DDIT4L: variants seen among roughly 807,000 people sequenced by gnomAD.
The protein encoded by DDIT4L is DNA damage inducible transcript 4 like, also known as DNA damage-inducible transcript 4-like protein.
DDIT4L carries 13 observed loss-of-function variants against 15.9 expected under a neutral mutation model. The observed-to-expected ratio is 0.82, with a 90% CI of 0.53 to 1.30. The LOEUF is 1.30. Among genes scored for constraint, DDIT4L ranks in the 50% most tolerant of loss-of-function variants. The probability of loss-of-function intolerance (pLI) is 0.00; values close to 1 mark genes in which losing one functional copy is unlikely to be tolerated. For missense variants in DDIT4L, 235 were observed against 224.8 expected (o/e 1.05, Z -0.29); for synonymous variants, 82 against 85.4 (o/e 0.96, Z 0.22).
chr4:100,187,608 TG>T lies in DDIT4L; in HGVS notation c.*68del, dbSNP rs1723440848. 1 of 1,505,252 alleles carries T rather than the reference TG, an allele frequency of 6.6e-7. No individual in the cohort carries two copies. Among genetic ancestry groups the T allele is most frequent in the Non-Finnish European group, 8.8e-7 (1 of 1,133,904 alleles). 93.2% of individuals were successfully genotyped at this position (1,505,252 alleles called of 1,614,324 possible). ...TAGGGCAGGTGGGGCAAACTACAAA[TG>T]ACTTTAGCTGACTAGCTGAATAGTT... On this transcript the variant is annotated 3_prime_UTR_variant, in exon 3 of 3. Coordinates refer to ENST00000273990, the MANE Select transcript of DDIT4L (RefSeq NM_145244.4).
chr4:100,186,042 A>G lies in DDIT4L; in HGVS notation c.*1635T>C, dbSNP rs962954669. 7 of 152,240 alleles carry G rather than the reference A, an allele frequency of 4.6e-5. No individual in the cohort carries two copies. Among genetic ancestry groups the G allele is most frequent in the African/African-American group, 1.4e-4 (6 of 41,458 alleles). The allele number at this position is 152,240 out of a possible 1,614,324, so 9.4% of individuals were successfully genotyped here. A position where few individuals can be genotyped will look rare whatever the true frequency, so the allele number is the denominator to read the frequency against. On this transcript the variant is annotated 3_prime_UTR_variant, in exon 3 of 3. Coordinates refer to ENST00000273990, the MANE Select transcript of DDIT4L (RefSeq NM_145244.4). ...GACAACAGTTCTACATCCATGCCCA[A>G]GAAGCCTTGCCCAGTCAGTGGTGAC...
Position 100,188,102 on chromosome 4 carries a change from T to C in DDIT4L, c.157A>G (p.Thr53Ala). The change falls in exon 3 of 3, where the codon ACT (threonine) becomes GCT (alanine). Residue 53 changes from threonine (T) to alanine (A), a missense_variant. By Grantham distance (58) the Thr-to-Ala change is moderately conservative. Transcript: ENST00000273990. Reference protein sequence around the residue: ...NLNEVIFEESTCQNLVKMLEN... With the variant: ...NLNEVIFEESACQNLVKMLEN... ...AGCATTTTAACCAAATTCTGGCAAG[T>C]TGATTCCTCAAATATTACCTCGTTG... is the stretch of plus-strand genomic sequence containing the variant. 1 of 1,614,010 alleles carries C rather than the reference T, an allele frequency of 6.2e-7. No homozygotes were observed.
chr4:100,189,795 A>C (rs1006352216), intron 2 of DDIT4L, 98 bp downstream of exon 2: 1 of 1,101,682 alleles, frequency 9.1e-7, no homozygotes, highest in Non-Finnish European at 1.3e-6. Context: ...GGCACCTCCT[A>C]CATAGAGGTA....
At position 100,186,763 on chromosome 4, in the gene DDIT4L, G is replaced by A. The variant is rs1033846950; in HGVS notation, c.*914C>T. Reference sequence around the variant, plus strand: ...AGAGATGAGATAACACTGCCATGGTGAAATGGTTCATCTGAGATTAAGCAC... The same window carrying A: ...AGAGATGAGATAACACTGCCATGGTAAAATGGTTCATCTGAGATTAAGCAC... On this transcript the variant is annotated 3_prime_UTR_variant, in exon 3 of 3. Transcript: ENST00000273990. The A allele has an allele frequency of 1.3e-5, 2 of 152,214 alleles. No individual in the cohort carries two copies. The highest frequency in any genetic ancestry group is 2.9e-5 in the Non-Finnish European group (2 of 68,046). 9.4% of individuals were successfully genotyped at this position (152,214 alleles called of 1,614,324 possible).
chr4:100,188,760 A>T (rs1269916892), intron 2 of DDIT4L, among the ~76,000 whole-genome samples: 1 of 152,224 alleles, frequency 6.6e-6, no homozygotes, highest in African/African-American at 2.4e-5. Context: ...TCTTTACTGG[A>T]GTGGCCTGTA....
rs1723450469 is a variant in DDIT4L at position 100,187,991 on chromosome 4, G to A, written c.268C>T (p.Gln90Ter). 1 of 1,614,030 alleles carries A rather than the reference G, an allele frequency of 6.2e-7. No individual in the cohort carries two copies. Among genetic ancestry groups the A allele is most frequent in the Non-Finnish European group, 8.5e-7 (1 of 1,180,042 alleles). Residue 90 changes from glutamine to a stop codon, truncating the protein, a stop_gained, in exon 3 of 3, where the codon CAA (glutamine) becomes TAA (stop). Coordinates refer to ENST00000273990, the MANE Select transcript of DDIT4L (RefSeq NM_145244.4). LOFTEE classifies it high-confidence loss of function. The stretch of plus-strand genomic sequence containing the variant: ...GTTGAGGAAAGCCGCAGGACATCTT[G>A]AGCAATTCTCTGGGTCAGTTTCTCA... ...VPEKLTQRIA[Q>*]DVLRLSSTEP...
rs569937597 is a variant in DDIT4L, at chr4:100,188,101, G to A, written c.158C>T (p.Thr53Ile). Residue 53 changes from threonine (T) to isoleucine (I), a missense_variant, in exon 3 of 3, where the codon ACT becomes ATT. Thr to Ile is a moderately conservative substitution (Grantham distance 89, BLOSUM62 -1). Transcript: ENST00000273990. Reference protein sequence around the residue: ...NLNEVIFEESTCQNLVKMLEN... With the variant: ...NLNEVIFEESICQNLVKMLEN... ...CAGCATTTTAACCAAATTCTGGCAA[G>A]TTGATTCCTCAAATATTACCTCGTT... is the stretch of plus-strand genomic sequence containing the variant. The A allele has an allele frequency of 2.5e-6, 4 of 1,613,920 alleles. No individual in the cohort carries two copies. In the African/African-American group the frequency reaches 5.3e-5, roughly 22 times the overall value.
At chr4:100,190,088 A>G (rs992717839) in intron 1 of DDIT4L, 56 bp from the exon 2 acceptor site, 20 of 1,114,692 alleles carry the variant, frequency 1.8e-5, no homozygotes, top group Non-Finnish European at 2.6e-5. Flanking sequence ...AGTCGTGCAG[A>G]GGCTCCTAAA....
intron 2 of DDIT4L, among the ~76,000 whole-genome samples, chr4:100,188,585 C>G (rs1450013735): frequency 6.6e-6 from 1 of 152,090 alleles, no homozygotes; most frequent in Admixed American, 6.5e-5. Context: ...TGCATTACTT[C>G]TGGAATAAAA....
At position 100,188,031 on chromosome 4, in the gene DDIT4L, T is replaced by G; in HGVS notation, c.228A>C (p.Ser76=). The G allele has an allele frequency of 6.2e-7, 1 of 1,614,230 alleles. No individual in the cohort carries two copies. Among genetic ancestry groups the G allele is most frequent in the Non-Finnish European group, 8.5e-7 (1 of 1,180,046 alleles). ...SKSKQTKLGC[S]KVLVPEKLTQ... ...TCAGTTTCTCAGGGACAAGGACCTTTGAGCAACCAAGTTTAGTTTGCTTTG... is the reference window on the plus strand; with the variant it reads ...TCAGTTTCTCAGGGACAAGGACCTTGGAGCAACCAAGTTTAGTTTGCTTTG... Residue 76 remains serine, a synonymous_variant, in exon 3 of 3, where the codon TCA becomes TCC. Coordinates refer to ENST00000273990, the MANE Select transcript of DDIT4L (RefSeq NM_145244.4).
In DDIT4L at chr4:100,187,666, AT is replaced by A; in HGVS notation, c.*10del. 4 of 1,575,722 alleles carry A rather than the reference AT, an allele frequency of 2.5e-6. No homozygotes were observed. The South Asian group carries it at 3.6e-5, about 14-fold the overall frequency. Reference sequence around the variant, plus strand: ...CCCAATCATGAAATAATCTTTATATATTTTCCCTTTTTAGGACCCTTCAATC... The same window carrying A: ...CCCAATCATGAAATAATCTTTATATATTTCCCTTTTTAGGACCCTTCAATC... On this transcript the variant is annotated 3_prime_UTR_variant, in exon 3 of 3. Coordinates refer to ENST00000273990, the MANE Select transcript of DDIT4L (RefSeq NM_145244.4).
At position 100,187,822 on chromosome 4, in the gene DDIT4L, G is replaced by A. The variant is rs754789622; in HGVS notation, c.437C>T (p.Ser146Leu). 1.6e-5 allele frequency: 26 copies of A among 1,613,728 alleles called. No individual in the cohort carries two copies. In the South Asian group the frequency reaches 1.9e-4, roughly 12 times the overall value. Residue 146 changes from serine to leucine, a missense_variant, in exon 3 of 3, where the codon TCA (serine) becomes TTA (leucine). Transcript: ENST00000273990. The part of the protein sequence containing the change: ...LTLVFKQENC[S>L]WTSFRDFFFS... Reference sequence around the variant, plus strand: ...GAAAAAGTCCCTGAAGCTAGTCCATGAGCAGTTCTCCTGCTTAAACACAAG... The same window carrying A: ...GAAAAAGTCCCTGAAGCTAGTCCATAAGCAGTTCTCCTGCTTAAACACAAG...
chr4:100,189,862 G>T, intron 2 of DDIT4L, 31 bp downstream of exon 2: 1 of 1,607,904 alleles, frequency 6.2e-7, no homozygotes, highest in Non-Finnish European at 8.5e-7. Flanking sequence ...GACCTTGGGA[G>T]GGGAGAAGGG....
At chr4:100,188,238 A>G (rs1723456712) in intron 2 of DDIT4L, 71 bp from the exon 3 acceptor site, 25 of 1,458,568 alleles carry the variant, frequency 1.7e-5, no homozygotes, top group Non-Finnish European at 2.2e-5. Context: ...ACACCAAGAT[A>G]TCAACATTGG....
intron 2 of DDIT4L, among the ~76,000 whole-genome samples, chr4:100,188,701 TAA>T (rs1447736215): frequency 6.6e-6 from 1 of 152,252 alleles, no homozygotes; most frequent in Non-Finnish European, 1.5e-5. Flanking sequence ...AGAGTTGTAT[TAA>T]AGCTTTAAGA....
Position 100,187,766 on chromosome 4 carries a change from T to C in DDIT4L, c.493A>G (p.Arg165Gly), listed in dbSNP as rs770325787. The C allele has an allele frequency of 2.5e-6, 4 of 1,612,898 alleles. No individual in the cohort carries two copies. The South Asian group carries it at 3.3e-5, about 13-fold the overall frequency. ...CCTGAGCTGAGGATCAGAGTTCTCC[T>C]GAAACCAGAGGAGAAGCGACCTCTA... is the stretch of plus-strand genomic sequence containing the variant. ...FSRGRFSSGF[R>G]RTLILSSGFR... The change falls in exon 3 of 3, where the codon AGG becomes GGG. Residue 165 changes from arginine (R) to glycine (G), a missense_variant. Transcript: ENST00000273990.
chr4:100,190,060 G>A lies in DDIT4L; in HGVS notation c.-49-28C>T, dbSNP rs1723490496. ...GGAAAAAATGAGGCGAGAAGAGACG[G>A]ATTTGCAAAAGCAGGCGAGTCGTGC... is the stretch of plus-strand genomic sequence containing the variant. On this transcript the variant is annotated intron_variant, in intron 1 of 2. Coordinates refer to ENST00000273990, the MANE Select transcript of DDIT4L (RefSeq NM_145244.4). 15 of 1,439,618 alleles carry A rather than the reference G, an allele frequency of 1.0e-5. 1 individual carries two copies. 89.2% of individuals were successfully genotyped at this position (1,439,618 alleles called of 1,614,324 possible). A position where few individuals can be genotyped will look rare whatever the true frequency, so the allele number is the denominator to read the frequency against.
At position 100,187,820 on chromosome 4, in the gene DDIT4L, A is replaced by C; in HGVS notation, c.439T>G (p.Trp147Gly). The C allele has an allele frequency of 6.2e-7, 1 of 1,613,814 alleles. No homozygotes were observed. Among genetic ancestry groups the C allele is most frequent in the East Asian group, 2.2e-5 (1 of 44,880 alleles). ...TLVFKQENCSWTSFRDFFFSR... is the reference protein window; with the variant it reads ...TLVFKQENCSGTSFRDFFFSR... ...AAGAAAAAGTCCCTGAAGCTAGTCC[A>C]TGAGCAGTTCTCCTGCTTAAACACA... Residue 147 changes from tryptophan (W) to glycine (G), a missense_variant, in exon 3 of 3, where the codon TGG (tryptophan) becomes GGG (glycine). Coordinates refer to ENST00000273990, the MANE Select transcript of DDIT4L (RefSeq NM_145244.4).
chr4:100,188,845 G>A (rs923055039), intron 2 of DDIT4L, among the ~76,000 whole-genome samples: 1 of 152,208 alleles, frequency 6.6e-6, no homozygotes, highest in African/African-American at 2.4e-5. Flanking sequence ...GAGGATATTT[G>A]TAACCGGCTG....
Sources: gnomAD v4.1 joint callset for allele counts (sites outside exome capture counted in the v4.1 genomes callset) on GRCh38, gnomAD v4.1.1 for gene constraint, MANE v1.5 for transcripts, NCBI Gene and HGNC (gene_info 2026-07-23, HGNC 2026-07-21) for gene names.